Variants in ADAMTS3 observed in about 807,000 individuals in gnomAD.
ADAMTS3 encodes A disintegrin and metalloproteinase with thrombospondin motifs 3.
In ADAMTS3, 73 loss-of-function variants were observed where a neutral mutation model predicts 129.0. That is an observed-to-expected ratio of 0.57 (90% CI 0.47 to 0.69). The LOEUF (loss-of-function observed/expected upper bound fraction) is 0.69, where lower values mean the gene tolerates loss of function less well. Among genes scored for constraint, ADAMTS3 ranks in the 30% least tolerant of loss-of-function variants. The pLI, the probability that ADAMTS3 is intolerant of heterozygous loss-of-function variation, is 0.00. For synonymous variants in ADAMTS3, 477 were observed against 510.8 expected, an observed-to-expected ratio of 0.93 and a Z score of 0.89; for missense variants, 1,457 against 1,514.5, an observed-to-expected ratio of 0.96 and a Z score of 0.63.
chr4:72,545,813 C>CT (rs1721451242), intron 3 of ADAMTS3, among the ~76,000 whole-genome samples: 1 of 152,166 alleles, frequency 6.6e-6, no homozygotes, highest in African/African-American at 2.4e-5. Context: ...ATGCAAATGT[C>CT]AACATGTCGA....
chr4:72,548,965 C>T (rs771399236), intron 2 of ADAMTS3, 81 bp from the exon 3 acceptor site: 15 of 1,274,690 alleles, frequency 1.2e-5, no homozygotes, highest in African/African-American at 3.0e-5. Context: ...AAGCTGCCCA[C>T]CTCACAAGAC....
chr4:72,289,984 A>G (rs1718614313), intron 20 of ADAMTS3, among the ~76,000 whole-genome samples: 1 of 152,138 alleles, frequency 6.6e-6, no homozygotes, highest in African/African-American at 2.4e-5. Flanking sequence ...CTTATTCTCC[A>G]CTTACTCTTT....
intron 3 of ADAMTS3, among the ~76,000 whole-genome samples, chr4:72,482,123 A>T (rs1056341728): frequency 3.9e-5 from 6 of 152,074 alleles, no homozygotes; most frequent in African/African-American, 1.4e-4. Flanking sequence ...TCACTCAATT[A>T]TCATACAATC....
At chr4:72,566,987 T>C (rs545289279) in intron 2 of ADAMTS3, among the ~76,000 whole-genome samples, 1 of 152,360 alleles carries the variant, frequency 6.6e-6, no homozygotes, top group African/African-American at 2.4e-5. Context: ...TGTTCTCTTC[T>C]ATGTAGCATT....
At position 72,283,039 on chromosome 4, in the gene ADAMTS3, T is replaced by C; in HGVS notation, c.*97A>G. ...AATTACAGATAAAATGAGCTGACGA[T>C]CTATAGAGATTTCCACTTTAAACAA... On this transcript the variant is annotated 3_prime_UTR_variant, in exon 22 of 22. Transcript: ENST00000286657. 1 of 1,042,922 alleles carries C rather than the reference T, an allele frequency of 9.6e-7. No individual in the cohort carries two copies. Among genetic ancestry groups the C allele is most frequent in the Non-Finnish European group, 1.4e-6 (1 of 710,278 alleles). 64.6% of individuals were successfully genotyped at this position (1,042,922 alleles called of 1,614,324 possible).
intron 21 of ADAMTS3, among the ~76,000 whole-genome samples, chr4:72,288,015 G>A (rs537826487): frequency 3.3e-5 from 5 of 152,140 alleles, no homozygotes; most frequent in African/African-American, 1.2e-4. Context: ...ACAGGCATGC[G>A]CCACCATGCC....
At chr4:72,330,811 A>G (rs1489879234) in intron 5 of ADAMTS3, 2 of 152,222 alleles carry the variant, frequency 1.3e-5, no homozygotes, top group African/African-American at 4.8e-5. Flanking sequence ...GCCCAAGAAT[A>G]GGCAGTCAGC....
At chr4:72,551,807 G>A (rs1383934) in intron 2 of ADAMTS3, among the ~76,000 whole-genome samples, 103,496 of 152,044 alleles carry the variant, frequency 0.68, 35,412 homozygotes, top group South Asian at 0.8. Context: ...TGACTCTGAA[G>A]ACCATGCTCC....
intron 4 of ADAMTS3, among the ~76,000 whole-genome samples, chr4:72,342,697 C>T (rs1003185249): frequency 2.6e-5 from 4 of 152,050 alleles, no homozygotes; most frequent in Admixed American, 2.0e-4. Flanking sequence ...GATAGCATCA[C>T]TATTGTGGAA....
rs1274506005 is a variant in ADAMTS3, at chr4:72,462,847, A to C, written c.505-47876T>G. Among the ~76,000 whole-genome samples the C allele has an allele frequency of 3.9e-5, 6 of 152,136 alleles. No individual in the cohort carries two copies. In the East Asian group the frequency reaches 1.2e-3, roughly 30 times the overall value. On this transcript the variant is annotated intron_variant, in intron 3 of 21. Transcript: ENST00000286657. ...AATCGTAAACATTTATAAAGTAAAA[A>C]AGTGACAGTAAGCTCAAGTTATTAT...
At chr4:72,446,188 G>A (rs984451793) in intron 3 of ADAMTS3, among the ~76,000 whole-genome samples, 1 of 151,580 alleles carries the variant, frequency 6.6e-6, no homozygotes, top group East Asian at 2.0e-4. Context: ...CAGTTCTATA[G>A]GTGTCAACTT....
At chr4:72,384,841 T>C (rs1437279033) in intron 4 of ADAMTS3, among the ~76,000 whole-genome samples, 1 of 152,148 alleles carries the variant, frequency 6.6e-6, no homozygotes, top group Non-Finnish European at 1.5e-5. Context: ...ATTTATAACA[T>C]ATGTACAGAT....
At chr4:72,318,175 G>T (rs1267552344) in intron 10 of ADAMTS3, among the ~76,000 whole-genome samples, 20 of 152,064 alleles carry the variant, frequency 1.3e-4, no homozygotes, top group Admixed American at 1.2e-3. Flanking sequence ...TCAAGCTAAA[G>T]AAAAGCAATA....
intron 2 of ADAMTS3, 75 bp downstream of exon 2, chr4:72,567,298 AC>A: frequency 7.1e-7 from 1 of 1,410,256 alleles, no homozygotes; most frequent in South Asian, 1.2e-5. Context: ...CATTTCAGAA[AC>A]AATATTTTGC....
chr4:72,370,331 C>G (rs1053178434), intron 4 of ADAMTS3, among the ~76,000 whole-genome samples: 5 of 152,074 alleles, frequency 3.3e-5, no homozygotes, highest in Admixed American at 6.6e-5. Context: ...ATCTCTTTTC[C>G]CTTCTCCCCT....
At chr4:72,433,457 C>A (rs1286747639) in intron 3 of ADAMTS3, among the ~76,000 whole-genome samples, 1 of 151,792 alleles carries the variant, frequency 6.6e-6, no homozygotes, top group Non-Finnish European at 1.5e-5. Flanking sequence ...AAGACTCGAC[C>A]CTGGTATATT....
intron 3 of ADAMTS3, among the ~76,000 whole-genome samples, chr4:72,530,319 TC>T (rs1720972713): frequency 1.2e-5 from 1 of 83,470 alleles, no homozygotes; most frequent in South Asian, 4.1e-4. Context: ...TATATTAAAT[TC>T]ATATATGTTA....
At chr4:72,530,510 T>A (rs1416970207) in intron 3 of ADAMTS3, among the ~76,000 whole-genome samples, 3 of 87,798 alleles carry the variant, frequency 3.4e-5, no homozygotes, top group Non-Finnish European at 5.8e-5. Context: ...AAATATATAT[T>A]TATATATAAA....
chr4:72,366,867 T>C (rs1264114318), intron 4 of ADAMTS3, among the ~76,000 whole-genome samples: 1 of 152,024 alleles, frequency 6.6e-6, no homozygotes, highest in Non-Finnish European at 1.5e-5. Context: ...AGAGTTTGTA[T>C]CTACTCTAAA....
Sources: gnomAD v4.1 joint callset for allele counts (sites outside exome capture counted in the v4.1 genomes callset) on GRCh38, gnomAD v4.1.1 for gene constraint, MANE v1.5 for transcripts, NCBI Gene and HGNC (gene_info 2026-07-23, HGNC 2026-07-21) for gene names.